The following DIP2A variants were observed in gnomAD, a reference collection of about 807,000 sequenced individuals.
DIP2A encodes the protein DIP2 acetate--CoA ligase A.
DIP2A carries 85 observed loss-of-function variants against 177.4 expected under a neutral mutation model. That is an observed-to-expected ratio of 0.48 (90% CI 0.40 to 0.57). The LOEUF (loss-of-function observed/expected upper bound fraction) is 0.57, where lower values mean the gene tolerates loss of function less well. DIP2A is among the 20% of genes least tolerant of loss of function. The probability of loss-of-function intolerance (pLI) is 0.00; values close to 1 mark genes in which losing one functional copy is unlikely to be tolerated. For missense variants in DIP2A, 1,791 were observed against 2,100.2 expected (o/e 0.85, Z 2.88); for synonymous variants, 886 against 881.8 (o/e 1.00, Z -0.08).
At chr21:46,511,370 C>A in intron 7 of DIP2A, 47 bp from the exon 8 acceptor site, 2 of 1,523,290 alleles carry the variant, frequency 1.3e-6, no homozygotes, top group South Asian at 1.2e-5. Context: ...AGAATGTGTT[C>A]GTGGTGCTCT....
chr21:46,478,658 G>A (rs2056112883), intron 1 of DIP2A, among the ~76,000 whole-genome samples: 1 of 151,320 alleles, frequency 6.6e-6, no homozygotes, highest in Admixed American at 6.6e-5. Context: ...TTTTTATAAT[G>A]TTGTTAGTTT....
At chr21:46,461,550 C>A (rs922166278) in intron 1 of DIP2A, among the ~76,000 whole-genome samples, 5 of 152,150 alleles carry the variant, frequency 3.3e-5, no homozygotes, top group African/African-American at 1.2e-4. Flanking sequence ...GCTTGCTAGG[C>A]ATTGACAATT....
At chr21:46,534,728 C>T (rs1180281011) in intron 13 of DIP2A, 41 bp downstream of exon 13, 1 of 1,534,730 alleles carries the variant, frequency 6.5e-7, no homozygotes. Context: ...CCTCCAGCCT[C>T]ACACAGATAC....
Position 46,554,872 on chromosome 21 carries a change from C to T in DIP2A, c.3327C>T (p.Leu1109=). ...VLTTQAVTRL[L]RSKEAAAAVD... ...CCACGCAGGCTGTCACACGGCTGCTCAGGTCCAAGGAGGCTGCTGCTGCCG... is the reference window on the plus strand; with the variant it reads ...CCACGCAGGCTGTCACACGGCTGCTTAGGTCCAAGGAGGCTGCTGCTGCCG... The change falls in exon 28 of 38, where the codon CTC becomes CTT. Residue 1109 remains leucine (L), a synonymous_variant. Transcript: ENST00000417564. The T allele has an allele frequency of 6.4e-7, 1 of 1,552,476 alleles. No homozygotes were observed. The highest frequency in any genetic ancestry group is 8.7e-7 in the Non-Finnish European group (1 of 1,148,336).
chr21:46,541,695 C>T (rs914694839), intron 17 of DIP2A, 61 bp from the exon 18 acceptor site: 2 of 1,603,578 alleles, frequency 1.2e-6, no homozygotes, highest in East Asian at 2.2e-5. Flanking sequence ...GCAAGGTGGG[C>T]CCACCTCCCT....
At chr21:46,540,127 C>A (rs947742767) in intron 17 of DIP2A, 136 bp downstream of exon 17, 5 of 684,898 alleles carry the variant, frequency 7.3e-6, no homozygotes, top group Non-Finnish European at 1.2e-5. Flanking sequence ...CCTGGCCCCC[C>A]ACATTTTGCC....
intron 8 of DIP2A, among the ~76,000 whole-genome samples, chr21:46,515,242 C>T (rs2058517182): frequency 6.6e-6 from 1 of 152,188 alleles, no homozygotes; most frequent in Non-Finnish European, 1.5e-5. Flanking sequence ...GGGACAAGGG[C>T]CTATTTTCTG....
chr21:46,497,727 A>G (rs911209138), intron 4 of DIP2A, among the ~76,000 whole-genome samples: 1 of 152,232 alleles, frequency 6.6e-6, no homozygotes, highest in Non-Finnish European at 1.5e-5. Flanking sequence ...AAAAATAGTG[A>G]CACCCATTTT....
At chr21:46,541,473 G>A (rs2070433) in intron 17 of DIP2A, among the ~76,000 whole-genome samples, 29,709 of 152,092 alleles carry the variant, frequency 0.2, 3,403 homozygotes, top group East Asian at 0.42. Flanking sequence ...CAAGACAATC[G>A]GGTAGAAGCT....
Position 46,567,630 on chromosome 21 carries a change from A to G in DIP2A, c.*8A>G, listed in dbSNP as rs545714964. ...GTCGCCTACAACATGTGAGCGCAGCACACCGGCCCAGGTGCCGGAGATGAA... is the reference window on the plus strand; with the variant it reads ...GTCGCCTACAACATGTGAGCGCAGCGCACCGGCCCAGGTGCCGGAGATGAA... On this transcript the variant is annotated 3_prime_UTR_variant, in exon 38 of 38. Transcript: ENST00000417564. The G allele has an allele frequency of 6.4e-7, 1 of 1,572,252 alleles. No individual in the cohort carries two copies. The highest frequency in any genetic ancestry group is 1.3e-5 in the African/African-American group (1 of 74,296).
chr21:46,510,094 AC>A (rs573348334), intron 7 of DIP2A, among the ~76,000 whole-genome samples: 2 of 152,262 alleles, frequency 1.3e-5, no homozygotes, highest in South Asian at 4.1e-4. Flanking sequence ...ATATTGACTC[AC>A]ACGATCACAA....
intron 6 of DIP2A, among the ~76,000 whole-genome samples, chr21:46,506,761 TTTC>T (rs779615638): frequency 7.5e-6 from 1 of 133,538 alleles, no homozygotes; most frequent in Non-Finnish European, 1.6e-5. Context: ...TCTTTCTTTC[TTTC>T]TTTCTTTCTT....
At chr21:46,544,309 T>C (rs2059941481) in intron 18 of DIP2A, among the ~76,000 whole-genome samples, 2 of 152,052 alleles carry the variant, frequency 1.3e-5, no homozygotes, top group African/African-American at 2.4e-5. Flanking sequence ...CATGTACAAA[T>C]TGGCCCCCAA....
At chr21:46,512,387 G>A (rs1056738357) in intron 8 of DIP2A, among the ~76,000 whole-genome samples, 1 of 152,146 alleles carries the variant, frequency 6.6e-6, no homozygotes, top group Non-Finnish European at 1.5e-5. Context: ...CAAAGGCAGT[G>A]CAGCAGTTTT....
chr21:46,557,152 C>T lies in DIP2A; in HGVS notation c.3629+83C>T, dbSNP rs1316157207. Reference sequence around the variant, plus strand: ...ACCTTGGCCTTCTAAGGCACCTTTTCTGGGTGCTCAGGAAGCCGATGAGAT... The same window carrying T: ...ACCTTGGCCTTCTAAGGCACCTTTTTTGGGTGCTCAGGAAGCCGATGAGAT... On this transcript the variant is annotated intron_variant, in intron 30 of 37. Transcript: ENST00000417564. This position sits in a 1 kb window ranked among gnomAD's most constrained non-coding sequence, Gnocchi z 6.0. 1.4e-6 allele frequency: 2 copies of T among 1,454,260 alleles called. No individual in the cohort carries two copies. Among genetic ancestry groups the T allele is most frequent in the East Asian group, 5.0e-5 (2 of 40,350 alleles). The allele number at this position is 1,454,260 out of a possible 1,614,324, so 90.1% of individuals were successfully genotyped here.
At chr21:46,459,299 C>G in intron 1 of DIP2A, 77 bp downstream of exon 1, 1 of 1,278,176 alleles carries the variant, frequency 7.8e-7, no homozygotes, top group Non-Finnish European at 1.0e-6. Context: ...CTCCGGGACC[C>G]CCGCGCGGCC....
intron 6 of DIP2A, among the ~76,000 whole-genome samples, chr21:46,507,070 G>A (rs1418431366): frequency 6.6e-6 from 1 of 152,000 alleles, no homozygotes; most frequent in African/African-American, 2.4e-5. Flanking sequence ...ACTGTGGCCA[G>A]CCAAATTGTG....
At chr21:46,550,456 C>A in intron 22 of DIP2A, 87 bp from the exon 23 acceptor site, 2 of 1,308,202 alleles carry the variant, frequency 1.5e-6, no homozygotes, top group South Asian at 1.3e-5. Context: ...GGGAACAGGT[C>A]CACAGAGGGG....
intron 5 of DIP2A, among the ~76,000 whole-genome samples, chr21:46,499,127 C>T (rs564360579): frequency 6.6e-6 from 1 of 152,180 alleles, no homozygotes; most frequent in Admixed American, 6.5e-5. Context: ...AACAATACAG[C>T]TCAGTTGCAA....
Sources: gnomAD v4.1 joint callset for allele counts (sites outside exome capture counted in the v4.1 genomes callset) on GRCh38, gnomAD v4.1.1 for gene constraint, Gnocchi (gnomAD v3.1) non-coding constraint, MANE v1.5 for transcripts, NCBI Gene and HGNC (gene_info 2026-07-23, HGNC 2026-07-21) for gene names.